The following F9 variants were observed in gnomAD, a reference collection of about 807,000 sequenced individuals.
The protein encoded by F9 is coagulation factor IX, also known as Christmas factor.
A neutral mutation model predicts 34.1 loss-of-function variants in F9; 2 were observed. That is an observed-to-expected ratio of 0.06 (90% confidence interval 0.02 to 0.18). The LOEUF (loss-of-function observed/expected upper bound fraction) is 0.18. Ranked by LOEUF, F9 falls within the 10% of genes least tolerant of loss-of-function variation. The pLI, the probability that F9 is intolerant of heterozygous loss-of-function variation, is 1.00. For synonymous variants in F9, 137 were observed against 118.8 expected (o/e 1.15, Z -1.00); for missense variants, 216 against 345.1 (o/e 0.63, Z 2.96).
intron 4 of F9, among the ~76,000 whole-genome samples, chrX:139,543,128 C>G (rs1927640356): frequency 9.2e-6 from 1 of 108,476 alleles, no homozygotes; most frequent in East Asian, 2.9e-4. Context: ...GGCCCCAAGT[C>G]TTTTGTCTTA....
In F9 at chrX:139,551,057, T is replaced by A; in HGVS notation, c.521-5T>A. 1 of 1,207,163 alleles carries A rather than the reference T, an allele frequency of 8.3e-7. No individual in the cohort carries two copies. On this transcript the variant is annotated splice_region_variant and splice_polypyrimidine_tract_variant and intron_variant, in intron 5 of 7. Coordinates refer to ENST00000218099, the MANE Select transcript of F9 (RefSeq NM_000133.4). ...AGGTTACTAATTTTTCTTCTATTTT[T>A]CTAGTGCCATTTCCATGTGGAAGAG...
intron 4 of F9, among the ~76,000 whole-genome samples, chrX:139,545,442 T>C (rs1396759319): frequency 8.9e-6 from 1 of 111,745 alleles, no homozygotes; most frequent in Non-Finnish European, 1.9e-5. Context: ...CAAAACAAGA[T>C]GGCAGGAATA....
intron 5 of F9, among the ~76,000 whole-genome samples, chrX:139,550,114 T>C (rs754238530): frequency 8.9e-6 from 1 of 112,181 alleles, no homozygotes; most frequent in Admixed American, 9.5e-5. Flanking sequence ...AACTATTAAG[T>C]GTTATATTTG....
intron 6 of F9, among the ~76,000 whole-genome samples, chrX:139,557,174 C>CA (rs1213104197): frequency 1.8e-5 from 2 of 111,551 alleles, no homozygotes; most frequent in African/African-American, 3.3e-5. Flanking sequence ...GATTATAACT[C>CA]AGATGTCTTA....
intron 1 of F9, among the ~76,000 whole-genome samples, chrX:139,533,713 C>T (rs1927395380): frequency 9.0e-6 from 1 of 111,682 alleles, no homozygotes; most frequent in East Asian, 2.8e-4. Flanking sequence ...CAGGGCCGGA[C>T]TAGACTGTGG....
chrX:139,544,959 G>A (rs1466166877), intron 4 of F9: 1 of 111,518 alleles, frequency 9.0e-6, no homozygotes, highest in Non-Finnish European at 1.9e-5. Context: ...TACCCAGAGG[G>A]TCATATGGCA....
In F9 at chrX:139,537,151, T is replaced by G. The variant is rs756898947; in HGVS notation, c.230T>G (p.Val77Gly). The change falls in exon 2 of 8, where the codon GTT becomes GGT. Residue 77 changes from valine (V) to glycine (G), a missense_variant. Around this residue, in one of 2 missense-constraint regions of F9, gnomAD observed 177 missense variants for 311.8 expected, o/e 0.57. Transcript: ENST00000218099. Reference sequence around the variant, plus strand: ...TGTAGTTTTGAAGAAGCACGAGAAGTTTTTGAAAACACTGAAAGAACAGTG... The same window carrying G: ...TGTAGTTTTGAAGAAGCACGAGAAGGTTTTGAAAACACTGAAAGAACAGTG... ...EKCSFEEARE[V>G]FENTERTTEF... 3.3e-6 allele frequency: 4 copies of G among 1,210,722 alleles called. No homozygotes were observed. In the South Asian group the frequency reaches 7.0e-5, roughly 21 times the overall value.
At chrX:139,534,554 C>T (rs941164415) in intron 1 of F9, among the ~76,000 whole-genome samples, 7 of 112,173 alleles carry the variant, frequency 6.2e-5, no homozygotes, top group Non-Finnish European at 1.3e-4. Flanking sequence ...TGAACATGTA[C>T]AGACTCTTTT....
intron 7 of F9, 72 bp downstream of exon 7, chrX:139,560,927 C>A (rs1928086013): frequency 2.4e-6 from 2 of 818,624 alleles, no homozygotes; most frequent in Non-Finnish European, 1.8e-6. Context: ...CCATATTTTA[C>A]TAAGGTCTAA....
chrX:139,544,372 TAATA>T (rs1222658158), intron 4 of F9, among the ~76,000 whole-genome samples: 2 of 109,958 alleles, frequency 1.8e-5, no homozygotes, highest in East Asian at 5.7e-4. Flanking sequence ...ATTAATTAAT[TAATA>T]GGACCAAGTG....
intron 4 of F9, among the ~76,000 whole-genome samples, chrX:139,545,455 C>T (rs2148359867): frequency 9.0e-6 from 1 of 111,261 alleles, no homozygotes; most frequent in African/African-American, 3.3e-5. Flanking sequence ...CAGGAATAAG[C>T]CAAAAATATC....
At chrX:139,541,835 C>A (rs1331348588) in intron 4 of F9, among the ~76,000 whole-genome samples, 1 of 111,822 alleles carries the variant, frequency 8.9e-6, no homozygotes, top group African/African-American at 3.2e-5. Context: ...CCTTGTGTAC[C>A]TTTTCTTCTC....
chrX:139,556,055 T>A lies in F9; in HGVS notation c.724-4686T>A, dbSNP rs192949435. ...AATTCCTCCCACATTTCCGAAGAAC[T>A]ATTTGGCCCTTTATGTGAAGTACCT... is the stretch of plus-strand genomic sequence containing the variant. On this transcript the variant is annotated intron_variant, in intron 6 of 7. Transcript: ENST00000218099. 2.3e-3 allele frequency among the ~76,000 whole-genome samples: 253 copies of A among 111,484 alleles called. 1 individual carries two copies. Among genetic ancestry groups the A allele is most frequent in the African/African-American group, 8.1e-3 (247 of 30,672 alleles).
chrX:139,551,910 C>A (rs1377648518), intron 6 of F9, among the ~76,000 whole-genome samples: 1 of 111,964 alleles, frequency 8.9e-6, no homozygotes, highest in Non-Finnish European at 1.9e-5. Flanking sequence ...GAAAACTAGG[C>A]CAGGTGCAGT....
chrX:139,554,385 A>T (rs756502054), intron 6 of F9, among the ~76,000 whole-genome samples: 1 of 112,387 alleles, frequency 8.9e-6, no homozygotes, highest in Non-Finnish European at 1.9e-5. Context: ...CAAAGGCAAG[A>T]AGCTGAGCTA....
chrX:139,548,716 A>C (rs1927775443), intron 5 of F9, among the ~76,000 whole-genome samples: 1 of 111,867 alleles, frequency 8.9e-6, no homozygotes, highest in Non-Finnish European at 1.9e-5. Context: ...CAATTTGTCC[A>C]ATTTTTTTCT....
intron 2 of F9, 39 bp downstream of exon 2, chrX:139,537,212 T>C: frequency 8.4e-7 from 1 of 1,188,554 alleles, no homozygotes; most frequent in Non-Finnish European, 1.1e-6. Flanking sequence ...ATGCAGAGCA[T>C]AGAATAGAAA....
intron 4 of F9, among the ~76,000 whole-genome samples, chrX:139,545,861 C>T (rs1394665967): frequency 9.0e-6 from 1 of 111,161 alleles, no homozygotes; most frequent in Non-Finnish European, 1.9e-5. Context: ...TATGTAACCA[C>T]CTCAGCCAGC....
At chrX:139,551,538 C>G (rs1006253330) in intron 6 of F9, among the ~76,000 whole-genome samples, 9 of 111,383 alleles carry the variant, frequency 8.1e-5, no homozygotes, top group Non-Finnish European at 3.8e-5. Context: ...ACATGAAGGT[C>G]TGGAAGAAAG....
Sources: allele counts gnomAD v4.1 joint callset (sites outside exome capture counted in the v4.1 genomes callset), GRCh38; gene constraint gnomAD v4.1.1; regional missense constraint gnomAD v4.1.1; transcripts MANE v1.5; gene names NCBI Gene and HGNC (gene_info 2026-07-23, HGNC 2026-07-21).